Variants in DDX19B observed in about 807,000 individuals in gnomAD.
DDX19B encodes the protein ATP-dependent RNA helicase DDX19B.
A neutral mutation model predicts 58.1 loss-of-function variants in DDX19B; 27 were observed. The observed-to-expected ratio is 0.46, with a 90% CI of 0.34 to 0.64. The LOEUF is 0.64. DDX19B is among the 30% of genes least tolerant of loss of function. The pLI is 0.01. For missense variants in DDX19B, 399 were observed against 596.5 expected, an observed-to-expected ratio of 0.67 and a Z score of 3.45; for synonymous variants, 187 against 214.4, an observed-to-expected ratio of 0.87 and a Z score of 1.12.
upstream of DDX19B, among the ~76,000 whole-genome samples, chr16:70,296,962 C>T (rs1961246305): frequency 6.6e-6 from 1 of 152,166 alleles, no homozygotes; most frequent in Admixed American, 6.5e-5. Context: ...GTCGTCCAGG[C>T]TGGAGTGCAG....
intron 4 of DDX19B, among the ~76,000 whole-genome samples, chr16:70,316,989 G>A (rs1173759952): frequency 6.6e-6 from 1 of 151,870 alleles, no homozygotes; most frequent in Non-Finnish European, 1.5e-5. Context: ...GGTAGATCAC[G>A]AGGTCCAGAG....
At chr16:70,331,432 T>C (rs1963473194) in intron 9 of DDX19B, among the ~76,000 whole-genome samples, 1 of 152,158 alleles carries the variant, frequency 6.6e-6, no homozygotes, top group Non-Finnish European at 1.5e-5. Flanking sequence ...ACATAACTTA[T>C]CTAAAAAGAA....
intron 1 of DDX19B, among the ~76,000 whole-genome samples, chr16:70,304,367 G>T (rs7203007): frequency 0.016 from 2,319 of 145,456 alleles, 55 homozygotes; most frequent in African/African-American, 0.055. Flanking sequence ...TTTTCACAGA[G>T]ATGTCTTTTT....
At chr16:70,326,653 C>T (rs2152210711) in intron 7 of DDX19B, among the ~76,000 whole-genome samples, 1 of 152,216 alleles carries the variant, frequency 6.6e-6, no homozygotes, top group Middle Eastern at 3.4e-3. Context: ...TCTCCTGCCT[C>T]AGACTCCCAA....
At chr16:70,303,276 T>G (rs1961568048) in intron 1 of DDX19B, among the ~76,000 whole-genome samples, 1 of 152,014 alleles carries the variant, frequency 6.6e-6, no homozygotes. Flanking sequence ...GTCTCCAGAG[T>G]AGCTGGGACC....
intron 7 of DDX19B, among the ~76,000 whole-genome samples, chr16:70,327,806 A>C (rs760624333): frequency 6.6e-5 from 10 of 152,020 alleles, no homozygotes; most frequent in African/African-American, 2.4e-4. Flanking sequence ...TTTTGTTACT[A>C]ATTTTTTCTA....
chr16:70,314,799 C>T, intron 2 of DDX19B, 103 bp from the exon 3 acceptor site: 1 of 1,263,682 alleles, frequency 7.9e-7, no homozygotes, highest in Non-Finnish European at 1.1e-6. Flanking sequence ...ATTTTTTGCT[C>T]CCCAGGCCTT....
intron 7 of DDX19B, 68 bp from the exon 8 acceptor site, chr16:70,329,222 CAA>C (rs531084597): frequency 0.054 from 62,687 of 1,153,838 alleles, no homozygotes; most frequent in East Asian, 0.066. Context: ...GACTCTGTCT[CAA>C]AAAAAAAAAA....
In DDX19B at chr16:70,329,426, A is replaced by G. The variant is rs1231068901; in HGVS notation, c.742A>G (p.Ile248Val). 3.1e-6 allele frequency: 5 copies of G among 1,613,840 alleles called. No individual in the cohort carries two copies. The highest frequency in any genetic ancestry group is 4.2e-6 in the Non-Finnish European group (5 of 1,180,006). ...VFVLDEADVM[I>V]ATQGHQDQSI... Reference sequence around the variant, plus strand: ...TGTTCTGGATGAGGCTGATGTCATGATAGCCACTCAGGGCCACCAAGATCA... The same window carrying G: ...TGTTCTGGATGAGGCTGATGTCATGGTAGCCACTCAGGGCCACCAAGATCA... The change falls in exon 8 of 12, where the codon ATA becomes GTA. Residue 248 changes from isoleucine (I) to valine (V), a missense_variant. Coordinates refer to ENST00000288071, the MANE Select transcript of DDX19B (RefSeq NM_007242.7).
At chr16:70,322,286 G>T (rs1423097543) in intron 5 of DDX19B, among the ~76,000 whole-genome samples, 1 of 152,032 alleles carries the variant, frequency 6.6e-6, no homozygotes, top group Non-Finnish European at 1.5e-5. Flanking sequence ...AACAGAAATA[G>T]AATCAAGAGT....
At chr16:70,322,896 A>C (rs1399995579) in intron 5 of DDX19B, among the ~76,000 whole-genome samples, 1 of 146,808 alleles carries the variant, frequency 6.8e-6, no homozygotes, top group Non-Finnish European at 1.5e-5. Context: ...CGTTGCAAAA[A>C]AAAAAAAAAA....
chr16:70,328,147 C>T (rs1279089148), intron 7 of DDX19B, among the ~76,000 whole-genome samples: 3 of 150,448 alleles, frequency 2.0e-5, no homozygotes, highest in African/African-American at 4.9e-5. Flanking sequence ...GAATGAGATT[C>T]TGTCTCAAAA....
At position 70,334,347 on chromosome 16, in the gene DDX19B, C is replaced by A. The variant is rs1963627479; in HGVS notation, c.*765C>A. On this transcript the variant is annotated 3_prime_UTR_variant, in exon 12 of 12. Transcript: ENST00000288071. ...AGTCATCATGGAGAATTAGTGGTGG[C>A]CCTAGCGTGCCACAAAACCTGGTCT... 6.6e-6 allele frequency: 1 copy of A among 151,952 alleles called. No homozygotes were observed. Among genetic ancestry groups the A allele is most frequent in the South Asian group, 2.1e-4 (1 of 4,794 alleles). 9.4% of individuals were successfully genotyped at this position (151,952 alleles called of 1,614,324 possible). A position where few individuals can be genotyped will look rare whatever the true frequency, so the allele number is the denominator to read the frequency against.
At chr16:70,314,696 C>CTATATA (rs71667182) in intron 2 of DDX19B, 6 of 254,604 alleles carry the variant, frequency 2.4e-5, no homozygotes, top group African/African-American at 1.2e-4. Context: ...AAATATCTAT[C>CTATATA]TATATATATA....
chr16:70,313,009 AT>A (rs1962170517), intron 2 of DDX19B, among the ~76,000 whole-genome samples: 1 of 143,806 alleles, frequency 7.0e-6, no homozygotes, highest in African/African-American at 2.6e-5. Flanking sequence ...CGCCCAACTA[AT>A]TTTTATTTTT....
chr16:70,299,693 C>T (rs1961382181), intron 1 of DDX19B, among the ~76,000 whole-genome samples: 1 of 151,984 alleles, frequency 6.6e-6, no homozygotes, highest in Admixed American at 6.6e-5. Flanking sequence ...GTCTGGAACT[C>T]CTGGTCTCAA....
intron 1 of DDX19B, among the ~76,000 whole-genome samples, chr16:70,311,253 G>C (rs1036489174): frequency 6.6e-6 from 1 of 151,566 alleles, no homozygotes; most frequent in Non-Finnish European, 1.5e-5. Flanking sequence ...GGTGGCGGGC[G>C]CCTGTAGTCT....
At chr16:70,330,359 G>A (rs1963422330) in intron 9 of DDX19B, among the ~76,000 whole-genome samples, 1 of 152,160 alleles carries the variant, frequency 6.6e-6, no homozygotes, top group Non-Finnish European at 1.5e-5. Flanking sequence ...GGCCAAGGCG[G>A]GTGGATCACC....
At chr16:70,312,756 G>A (rs1252801869) in intron 2 of DDX19B, 99 bp downstream of exon 2, 2 of 976,788 alleles carry the variant, frequency 2.0e-6, no homozygotes, top group Non-Finnish European at 3.1e-6. Flanking sequence ...ATTTGTACCA[G>A]GCAGGGCATT....
Sources: gnomAD v4.1 joint callset for allele counts (sites outside exome capture counted in the v4.1 genomes callset) on GRCh38, gnomAD v4.1.1 for gene constraint, MANE v1.5 for transcripts, NCBI Gene and HGNC (gene_info 2026-07-23, HGNC 2026-07-21) for gene names.